BTBD9: variants seen among roughly 807,000 people sequenced by gnomAD.
BTBD9 encodes the protein BTB/POZ domain-containing protein 9.
In BTBD9, 49 loss-of-function variants were observed where a neutral mutation model predicts 64.3. The observed-to-expected ratio is 0.76, with a 90% CI of 0.61 to 0.97. The LOEUF (loss-of-function observed/expected upper bound fraction) is 0.97, where lower values mean the gene tolerates loss of function less well. Ranked by LOEUF, BTBD9 falls within the 50% of genes least tolerant of loss-of-function variation. The probability of loss-of-function intolerance (pLI) is 0.00; values close to 1 mark genes in which losing one functional copy is unlikely to be tolerated. For missense variants in BTBD9, 598 were observed against 762.1 expected (o/e 0.78, Z 2.53); for synonymous variants, 260 against 274.7 (o/e 0.95, Z 0.53).
intron 6 of BTBD9, among the ~76,000 whole-genome samples, chr6:38,371,394 G>A (rs1337698189): frequency 1.3e-5 from 2 of 152,224 alleles, no homozygotes; most frequent in Non-Finnish European, 2.9e-5. Flanking sequence ...TGGATGCTAA[G>A]AACACTTAGG....
intron 6 of BTBD9, among the ~76,000 whole-genome samples, chr6:38,367,060 C>T (rs554511935): frequency 2.5e-3 from 374 of 152,260 alleles, no homozygotes; most frequent in African/African-American, 8.2e-3. Flanking sequence ...TGAAAACCCT[C>T]GCCCAAAAAT....
intron 10 of BTBD9, among the ~76,000 whole-genome samples, chr6:38,190,025 T>C (rs1761988708): frequency 6.6e-6 from 1 of 151,604 alleles, no homozygotes; most frequent in South Asian, 2.1e-4. Flanking sequence ...TTTCCCATGT[T>C]GGTCTTGAAC....
rs1165950977 is a variant in BTBD9, at chr6:38,413,876, A to C, written c.1155-68783T>G. 2.0e-5 allele frequency among the ~76,000 whole-genome samples: 3 copies of C among 152,162 alleles called. No individual in the cohort carries two copies. In the East Asian group the frequency reaches 5.8e-4, roughly 29 times the overall value. ...AGTTTCCCAACCATAAAATGAGAAT[A>C]ATAATAATAATCCATAAAATGGTTG... On this transcript the variant is annotated intron_variant, in intron 6 of 10. Coordinates refer to ENST00000481247, the MANE Select transcript of BTBD9 (RefSeq NM_001099272.2).
intron 3 of BTBD9, among the ~76,000 whole-genome samples, chr6:38,593,456 G>C (rs1353689186): frequency 6.6e-6 from 1 of 152,168 alleles, no homozygotes; most frequent in Admixed American, 6.5e-5. Flanking sequence ...CAAATGGAGA[G>C]ACAATCACTA....
intron 6 of BTBD9, among the ~76,000 whole-genome samples, chr6:38,487,337 T>A (rs1028523482): frequency 6.6e-6 from 1 of 152,172 alleles, no homozygotes; most frequent in African/African-American, 2.4e-5. Context: ...TCCCAGCACT[T>A]TGGGAGACCG....
chr6:38,302,481 G>GTGTGTATA (rs1189019491), intron 7 of BTBD9, among the ~76,000 whole-genome samples: 2 of 59,388 alleles, frequency 3.4e-5, no homozygotes, highest in Non-Finnish European at 6.2e-5. Flanking sequence ...TCCATTGTGT[G>GTGTGTATA]TATGTATATA....
intron 6 of BTBD9, among the ~76,000 whole-genome samples, chr6:38,457,268 T>C (rs551500447): frequency 6.6e-6 from 1 of 152,292 alleles, no homozygotes; most frequent in African/African-American, 2.4e-5. Context: ...TTGACCCTGC[T>C]TAACTTTAAG....
At chr6:38,571,231 G>C (rs545812103) in intron 6 of BTBD9, among the ~76,000 whole-genome samples, 1 of 152,194 alleles carries the variant, frequency 6.6e-6, no homozygotes, top group Non-Finnish European at 1.5e-5. Flanking sequence ...AAGCAATCTA[G>C]TGAACACTGA....
intron 7 of BTBD9, among the ~76,000 whole-genome samples, chr6:38,294,037 A>G (rs1762067778): frequency 6.6e-6 from 1 of 152,236 alleles, no homozygotes; most frequent in South Asian, 2.1e-4. Flanking sequence ...TTCTCAAAAG[A>G]AGACATTTAT....
chr6:38,337,451 C>T (rs1763937854), intron 7 of BTBD9, among the ~76,000 whole-genome samples: 1 of 152,210 alleles, frequency 6.6e-6, no homozygotes, highest in African/African-American at 2.4e-5. Flanking sequence ...GGTATTATTG[C>T]TATGTAAATT....
intron 6 of BTBD9, among the ~76,000 whole-genome samples, chr6:38,532,172 T>A (rs1056492855): frequency 6.6e-6 from 1 of 152,180 alleles, no homozygotes; most frequent in East Asian, 1.9e-4. Flanking sequence ...CTGAACTCAA[T>A]GGTGCCCTGT....
chr6:38,316,973 G>A (rs1352024145), intron 7 of BTBD9, among the ~76,000 whole-genome samples: 1 of 151,974 alleles, frequency 6.6e-6, no homozygotes, highest in Non-Finnish European at 1.5e-5. Context: ...CTATTCTAGG[G>A]TAAAAGGTTT....
chr6:38,360,001 G>A (rs1764886864), intron 6 of BTBD9, among the ~76,000 whole-genome samples: 1 of 151,086 alleles, frequency 6.6e-6, no homozygotes, highest in Admixed American at 6.6e-5. Flanking sequence ...AAAGTCATTT[G>A]ACAAACACTA....
intron 10 of BTBD9, among the ~76,000 whole-genome samples, chr6:38,182,842 C>T (rs537041120): frequency 7.2e-5 from 11 of 152,140 alleles, no homozygotes; most frequent in Non-Finnish European, 1.2e-4. Flanking sequence ...TATTGTTGCT[C>T]CAATATGACA....
chr6:38,303,068 T>C (rs1322436185), intron 7 of BTBD9, among the ~76,000 whole-genome samples: 4 of 152,206 alleles, frequency 2.6e-5, no homozygotes, highest in South Asian at 2.1e-4. Flanking sequence ...ACTTTGCAAA[T>C]AGATTCTCCC....
chr6:38,266,898 C>T (rs755293501), intron 8 of BTBD9, among the ~76,000 whole-genome samples: 5 of 152,136 alleles, frequency 3.3e-5, no homozygotes, highest in Admixed American at 6.5e-5. Context: ...TGTTACAGAC[C>T]TTTTGGGCAG....
At chr6:38,541,741 G>GACA (rs201664431) in intron 6 of BTBD9, among the ~76,000 whole-genome samples, 2 of 151,864 alleles carry the variant, frequency 1.3e-5, no homozygotes, top group African/African-American at 2.4e-5. Flanking sequence ...CATCTCAAAC[G>GACA]ACAACAACAA....
At chr6:38,525,015 T>G (rs1273042009) in intron 6 of BTBD9, among the ~76,000 whole-genome samples, 1 of 152,134 alleles carries the variant, frequency 6.6e-6, no homozygotes, top group Non-Finnish European at 1.5e-5. Flanking sequence ...AAGACTGACA[T>G]AGGCACTAGA....
chr6:38,277,918 C>T (rs971476851), intron 8 of BTBD9, among the ~76,000 whole-genome samples: 1 of 152,178 alleles, frequency 6.6e-6, no homozygotes, highest in Admixed American at 6.5e-5. Context: ...TGTGGCAGAG[C>T]TGTTGGCTAG....
Sources: allele counts gnomAD v4.1 joint callset (sites outside exome capture counted in the v4.1 genomes callset), GRCh38; gene constraint gnomAD v4.1.1; transcripts MANE v1.5; gene names NCBI Gene and HGNC (gene_info 2026-07-23, HGNC 2026-07-21).